Variants in DLGAP3 observed in about 807,000 individuals in gnomAD.
DLGAP3 encodes disks large-associated protein 3.
DLGAP3 carries 17 observed loss-of-function variants against 81.2 expected under a neutral mutation model. The observed-to-expected ratio is 0.21, with a 90% confidence interval of 0.14 to 0.31. The LOEUF (loss-of-function observed/expected upper bound fraction) is 0.31. Among genes scored for constraint, DLGAP3 ranks in the 10% least tolerant of loss-of-function variants. The probability of loss-of-function intolerance (pLI) is 1.00; values close to 1 mark genes in which losing one functional copy is unlikely to be tolerated. For missense variants in DLGAP3, 1,124 were observed against 1,388.0 expected, an observed-to-expected ratio of 0.81 and a Z score of 3.02; for synonymous variants, 577 against 587.4, an observed-to-expected ratio of 0.98 and a Z score of 0.26.
At chr1:34,870,893 C>A (rs1638969247) in intron 8 of DLGAP3, among the ~76,000 whole-genome samples, 1 of 152,208 alleles carries the variant, frequency 6.6e-6, no homozygotes, top group Admixed American at 6.5e-5. Context: ...TTGTCACTCA[C>A]CCTCCATCTA....
rs912855289 is a variant in DLGAP3 at position 34,902,730 on chromosome 1, T to G, written c.1107+1547A>C. Among the ~76,000 whole-genome samples the G allele has an allele frequency of 1.3e-5, 2 of 152,086 alleles. No homozygotes were observed. The highest frequency in any genetic ancestry group is 2.4e-5 in the African/African-American group (1 of 41,404). ...AGGCCAGCAGATGGGAAGGCCATAC[T>G]GCAGGGTTCCCATTCTAGCCACTGC... On this transcript the variant is annotated intron_variant, in intron 3 of 11. Coordinates refer to ENST00000373347, the MANE Select transcript of DLGAP3 (RefSeq NM_001080418.3). The surrounding 1 kb of genome is among the most constrained non-coding windows in gnomAD (Gnocchi z 4.4).
At position 34,905,216 on chromosome 1, in the gene DLGAP3, G is replaced by C. The variant is rs1399801968; in HGVS notation, c.168C>G (p.His56Gln). Residue 56 changes from histidine (H) to glutamine (Q), a missense_variant, in exon 3 of 12, where the codon CAC (histidine) becomes CAG (glutamine). Around this residue, in one of 9 missense-constraint regions of DLGAP3, gnomAD observed 167 missense variants for 172.1 expected, o/e 0.97. Transcript: ENST00000373347. Reference protein sequence around the residue: ...RFCAPRAGLGHISPEGPLSLS... With the variant: ...RFCAPRAGLGQISPEGPLSLS... ...GGCTCAGGGGCCCTTCAGGAGAAATGTGTCCCAGGCCAGCTCTCGGGGCAC... is the reference window on the plus strand; with the variant it reads ...GGCTCAGGGGCCCTTCAGGAGAAATCTGTCCCAGGCCAGCTCTCGGGGCAC... 2 of 1,595,456 alleles carry C rather than the reference G, an allele frequency of 1.3e-6. No individual in the cohort carries two copies. Among genetic ancestry groups the C allele is most frequent in the South Asian group, 2.3e-5 (2 of 87,624 alleles).
chr1:34,928,082 T>C (rs1307888772), intron 1 of DLGAP3, among the ~76,000 whole-genome samples: 1 of 152,258 alleles, frequency 6.6e-6, no homozygotes, highest in East Asian at 1.9e-4. Context: ...CCCAAGGCTG[T>C]TGGGGAAATA....
chr1:34,907,826 C>T (rs182375822), intron 1 of DLGAP3, among the ~76,000 whole-genome samples: 141 of 152,236 alleles, frequency 9.3e-4, no homozygotes, highest in Admixed American at 1.7e-3. Context: ...TCCCTGTCCT[C>T]GAGGGGTTTA....
intron 8 of DLGAP3, among the ~76,000 whole-genome samples, chr1:34,870,293 G>A (rs1380610780): frequency 6.6e-6 from 1 of 152,180 alleles, no homozygotes; most frequent in Non-Finnish European, 1.5e-5. Context: ...TAAGAAGTGG[G>A]AGTCAGGAGA....
chr1:34,928,650 A>G (rs1639909823), intron 1 of DLGAP3, among the ~76,000 whole-genome samples: 1 of 152,134 alleles, frequency 6.6e-6, no homozygotes, highest in African/African-American at 2.4e-5. Context: ...TGGGGGGGAC[A>G]GAGCCCAGGT....
chr1:34,903,716 A>C (rs542084434), intron 3 of DLGAP3, among the ~76,000 whole-genome samples: 6 of 152,340 alleles, frequency 3.9e-5, no homozygotes, highest in Admixed American at 3.3e-4. Context: ...CACATGAGAC[A>C]CATGAAACTC....
intron 5 of DLGAP3, among the ~76,000 whole-genome samples, chr1:34,894,551 T>C (rs928300697): frequency 5.3e-5 from 8 of 152,202 alleles, no homozygotes; most frequent in Non-Finnish European, 8.8e-5. Flanking sequence ...GCAGACTCCT[T>C]AACGGCAACA....
At chr1:34,927,430 G>C (rs1351298697) in intron 1 of DLGAP3, among the ~76,000 whole-genome samples, 1 of 152,102 alleles carries the variant, frequency 6.6e-6, no homozygotes, top group Non-Finnish European at 1.5e-5. Flanking sequence ...TCAATACTAA[G>C]GTTCCTCTCC....
intron 1 of DLGAP3, among the ~76,000 whole-genome samples, chr1:34,924,206 T>C (rs1359816367): frequency 5.9e-5 from 9 of 152,156 alleles, no homozygotes; most frequent in Non-Finnish European, 1.3e-4. Flanking sequence ...GAGAAAGATA[T>C]CCAAGAGAAC....
In DLGAP3 at chr1:34,865,968, C is replaced by A. The variant is rs758048966; in HGVS notation, c.*115G>T. The A allele has an allele frequency of 1.1e-6, 1 of 918,652 alleles. No individual in the cohort carries two copies. The highest frequency in any genetic ancestry group is 1.6e-6 in the Non-Finnish European group (1 of 606,140). 56.9% of individuals were successfully genotyped at this position (918,652 alleles called of 1,614,324 possible). On this transcript the variant is annotated 3_prime_UTR_variant, in exon 12 of 12. Coordinates refer to ENST00000373347, the MANE Select transcript of DLGAP3 (RefSeq NM_001080418.3). Reference sequence around the variant, plus strand: ...TGACGGGCCCGGGGGCCGGGGCGTCCGGTGCCGGTGGGGCGGGCGCACGGG... The same window carrying A: ...TGACGGGCCCGGGGGCCGGGGCGTCAGGTGCCGGTGGGGCGGGCGCACGGG...
intron 3 of DLGAP3, among the ~76,000 whole-genome samples, chr1:34,901,257 A>G (rs2148410197): frequency 6.6e-6 from 1 of 152,276 alleles, no homozygotes; most frequent in South Asian, 2.1e-4. Context: ...GCAGAGATCC[A>G]CTGACATTTA....
intron 1 of DLGAP3, among the ~76,000 whole-genome samples, chr1:34,909,592 A>G (rs1213737313): frequency 1.3e-5 from 2 of 152,232 alleles, no homozygotes; most frequent in Non-Finnish European, 2.9e-5. Flanking sequence ...CAAATAGTAA[A>G]CAATATAATC....
chr1:34,922,299 G>A (rs1639807508), intron 1 of DLGAP3, among the ~76,000 whole-genome samples: 1 of 152,232 alleles, frequency 6.6e-6, no homozygotes, highest in Non-Finnish European at 1.5e-5. Context: ...CTGGAGAAGA[G>A]CTACAAGTAG....
At chr1:34,908,631 C>T (rs1253261609) in intron 1 of DLGAP3, among the ~76,000 whole-genome samples, 2 of 152,070 alleles carry the variant, frequency 1.3e-5, no homozygotes, top group South Asian at 2.1e-4. Context: ...GCTTTGCAAG[C>T]GTGATTAATA....
At chr1:34,879,905 G>A (rs941395097) in intron 8 of DLGAP3, among the ~76,000 whole-genome samples, 1 of 152,088 alleles carries the variant, frequency 6.6e-6, no homozygotes, top group Non-Finnish European at 1.5e-5. Context: ...AATTCAAGAG[G>A]CATAAAGAAA....
chr1:34,878,466 C>T (rs909525118), intron 8 of DLGAP3, among the ~76,000 whole-genome samples: 1 of 151,828 alleles, frequency 6.6e-6, no homozygotes, highest in Non-Finnish European at 1.5e-5. Flanking sequence ...AAGGCAAAAG[C>T]CATTAGTAAG....
Position 34,905,311 on chromosome 1 carries a change from C to A in DLGAP3, c.73G>T (p.Val25Leu), listed in dbSNP as rs376203985. ...TATGGGGCCCTGGCAGCAGGGCCCA[C>A]GTCCATATGCTGTTGGTCAGCAAAG... ...ARFADQQHMDVGPAARAPYLL... is the reference protein window; with the variant it reads ...ARFADQQHMDLGPAARAPYLL... Residue 25 changes from valine (V) to leucine (L), a missense_variant, in exon 3 of 12, where the codon GTG becomes TTG. Physicochemically the swap from Val to Leu is conservative, Grantham distance 32. Around this residue, in one of 9 missense-constraint regions of DLGAP3, gnomAD observed 167 missense variants for 172.1 expected, o/e 0.97. Coordinates refer to ENST00000373347, the MANE Select transcript of DLGAP3 (RefSeq NM_001080418.3). 2.6e-6 allele frequency: 4 copies of A among 1,563,684 alleles called. No individual in the cohort carries two copies. The highest frequency in any genetic ancestry group is 1.2e-5 in the South Asian group (1 of 84,930).
chr1:34,920,222 G>A (rs1639776366), intron 1 of DLGAP3, among the ~76,000 whole-genome samples: 1 of 152,162 alleles, frequency 6.6e-6, no homozygotes, highest in Non-Finnish European at 1.5e-5. Flanking sequence ...CGTTCCCTTT[G>A]TTCAAGACCT....
Sources: allele counts gnomAD v4.1 joint callset (sites outside exome capture counted in the v4.1 genomes callset), GRCh38; gene constraint gnomAD v4.1.1; regional missense constraint gnomAD v4.1.1; non-coding constraint Gnocchi (gnomAD v3.1); transcripts MANE v1.5; gene names NCBI Gene and HGNC (gene_info 2026-07-23, HGNC 2026-07-21).